Variants in NUBPL observed in about 807,000 individuals in gnomAD.
NUBPL encodes the protein NUBP iron-sulfur cluster assembly factor, mitochondrial.
Under a neutral mutation model 45.7 loss-of-function variants are expected in NUBPL, and 31 were observed. That is an observed-to-expected ratio of 0.68 (90% CI 0.51 to 0.92). NUBPL has a LOEUF of 0.92. NUBPL is among the 40% of genes least tolerant of loss of function. The pLI is 0.00. For synonymous variants in NUBPL, 144 were observed against 140.9 expected (o/e 1.02, Z -0.15); for missense variants, 401 against 398.7 (o/e 1.01, Z -0.05).
In NUBPL at chr14:31,811,146, T is replaced by C. The variant is rs376837216; in HGVS notation, c.608-15483T>C. The stretch of plus-strand genomic sequence containing the variant: ...TATTTGTGGTGTTCTCTGTACTTCC[T>C]GAATTTGAATGTTGGCCTGCCTTGC... On this transcript the variant is annotated intron_variant, in intron 7 of 10. Transcript: ENST00000281081. Among the ~76,000 whole-genome samples the C allele has an allele frequency of 2.6e-5, 4 of 152,230 alleles. No individual in the cohort carries two copies. In the East Asian group the frequency reaches 5.8e-4, roughly 22 times the overall value.
chr14:31,808,332 C>T (rs1175610445), intron 7 of NUBPL, among the ~76,000 whole-genome samples: 1 of 152,140 alleles, frequency 6.6e-6, no homozygotes. Context: ...TTGAAGAGGT[C>T]CTTCACATCC....
chr14:31,775,002 T>C (rs1353817248), intron 6 of NUBPL, among the ~76,000 whole-genome samples: 3 of 152,190 alleles, frequency 2.0e-5, no homozygotes, highest in Admixed American at 1.3e-4. Flanking sequence ...TTTTAGGATT[T>C]ATGTCAGTAA....
chr14:31,834,386 A>T (rs59664106), intron 8 of NUBPL, among the ~76,000 whole-genome samples: 1 of 151,914 alleles, frequency 6.6e-6, no homozygotes. Flanking sequence ...TCACCGTGTT[A>T]GCCAGGATGG....
chr14:31,759,463 G>A (rs1467611356), intron 6 of NUBPL, among the ~76,000 whole-genome samples: 1 of 151,460 alleles, frequency 6.6e-6, no homozygotes, highest in Non-Finnish European at 1.5e-5. Flanking sequence ...ATGTATTTTT[G>A]GTATAGAACA....
intron 6 of NUBPL, among the ~76,000 whole-genome samples, chr14:31,772,339 G>A (rs917093346): frequency 6.6e-6 from 1 of 152,140 alleles, no homozygotes; most frequent in African/African-American, 2.4e-5. Flanking sequence ...AAGCAGGTTT[G>A]TAATATATTA....
intron 4 of NUBPL, among the ~76,000 whole-genome samples, chr14:31,663,679 T>C (rs2036330295): frequency 1.3e-5 from 2 of 152,220 alleles, no homozygotes; most frequent in South Asian, 4.1e-4. Flanking sequence ...GCATGATGCC[T>C]CCAGCTTTGT....
chr14:31,674,520 C>A (rs1451892247), intron 6 of NUBPL, among the ~76,000 whole-genome samples: 1 of 152,046 alleles, frequency 6.6e-6, no homozygotes, highest in Non-Finnish European at 1.5e-5. Context: ...ACTGTCAGAT[C>A]CCCTAGTTAG....
chr14:31,754,849 T>G (rs1316647076), intron 6 of NUBPL, among the ~76,000 whole-genome samples: 3 of 57,358 alleles, frequency 5.2e-5, no homozygotes, highest in Non-Finnish European at 9.3e-5. Flanking sequence ...CCCTCCCCCC[T>G]CCCCCCACCC....
intron 6 of NUBPL, among the ~76,000 whole-genome samples, chr14:31,761,305 G>A (rs2038804110): frequency 6.6e-6 from 1 of 152,068 alleles, no homozygotes; most frequent in African/African-American, 2.4e-5. Flanking sequence ...TCCCACCTCA[G>A]CCTCCCAAGT....
At chr14:31,583,360 A>G (rs906861462) in intron 3 of NUBPL, among the ~76,000 whole-genome samples, 3 of 152,202 alleles carry the variant, frequency 2.0e-5, no homozygotes, top group African/African-American at 7.2e-5. Flanking sequence ...AGAGGACCCA[A>G]GGCATTTCTG....
At chr14:31,750,730 A>T (rs1285798086) in intron 6 of NUBPL, among the ~76,000 whole-genome samples, 1 of 150,868 alleles carries the variant, frequency 6.6e-6, no homozygotes, top group African/African-American at 2.4e-5. Context: ...GTCATGTTGG[A>T]TGTGTAGGGT....
chr14:31,589,932 A>C (rs2034099966), intron 3 of NUBPL, among the ~76,000 whole-genome samples: 1 of 152,234 alleles, frequency 6.6e-6, no homozygotes, highest in South Asian at 2.1e-4. Context: ...GCTTGCTGTC[A>C]GTAATTAATT....
At chr14:31,562,352 TG>T (rs1399486799) in intron 2 of NUBPL, 137 bp downstream of exon 2, 2 of 861,538 alleles carry the variant, frequency 2.3e-6, no homozygotes, top group East Asian at 5.4e-5. Flanking sequence ...TTTCAGGAGT[TG>T]GTAGCGGGTA....
intron 7 of NUBPL, among the ~76,000 whole-genome samples, chr14:31,795,292 G>C (rs2039462251): frequency 6.9e-6 from 1 of 144,388 alleles, no homozygotes; most frequent in Non-Finnish European, 1.5e-5. Flanking sequence ...GCTTGATGGG[G>C]ATGGCATTGA....
In NUBPL at chr14:31,860,357, C is replaced by T. The variant is rs1340995683; in HGVS notation, c.*1177C>T. 2 of 149,536 alleles carry T rather than the reference C, an allele frequency of 1.3e-5. No individual in the cohort carries two copies. Among genetic ancestry groups the T allele is most frequent in the East Asian group, 2.0e-4 (1 of 5,094 alleles). The allele number at this position is 149,536 out of a possible 1,614,324, so 9.3% of individuals were successfully genotyped here. On this transcript the variant is annotated 3_prime_UTR_variant, in exon 11 of 11. Coordinates refer to ENST00000281081, the MANE Select transcript of NUBPL (RefSeq NM_025152.3). ...GGGGAGATGCAATATTTAGCATTTCCTCAAACTTTTTTTGGCCATGAAATC... is the reference window on the plus strand; with the variant it reads ...GGGGAGATGCAATATTTAGCATTTCTTCAAACTTTTTTTGGCCATGAAATC...
At chr14:31,637,547 G>GA (rs1390708247) in intron 4 of NUBPL, among the ~76,000 whole-genome samples, 9 of 152,094 alleles carry the variant, frequency 5.9e-5, no homozygotes, top group African/African-American at 2.2e-4. Context: ...GTGTGGTGCT[G>GA]AAAAAAATGT....
intron 8 of NUBPL, among the ~76,000 whole-genome samples, chr14:31,835,602 C>T (rs1322118168): frequency 2.0e-5 from 3 of 152,074 alleles, no homozygotes; most frequent in African/African-American, 7.2e-5. Context: ...TCTTTGTTTT[C>T]AAGATTAAGA....
At chr14:31,611,318 G>A (rs1035145667) in intron 4 of NUBPL, among the ~76,000 whole-genome samples, 2 of 151,882 alleles carry the variant, frequency 1.3e-5, no homozygotes, top group Non-Finnish European at 2.9e-5. Flanking sequence ...ACATAATCCC[G>A]TTTATAATAG....
chr14:31,681,166 T>G (rs2139833016), intron 6 of NUBPL, among the ~76,000 whole-genome samples: 1 of 152,200 alleles, frequency 6.6e-6, no homozygotes, highest in Middle Eastern at 3.4e-3. Context: ...TTTGAAGGAA[T>G]TTATCGGTGA....
Sources: allele counts gnomAD v4.1 joint callset (sites outside exome capture counted in the v4.1 genomes callset), GRCh38; gene constraint gnomAD v4.1.1; transcripts MANE v1.5; gene names NCBI Gene and HGNC (gene_info 2026-07-23, HGNC 2026-07-21).